RRP8: variants seen among roughly 807,000 people sequenced by gnomAD.
RRP8 encodes ribosomal RNA processing 8.
RRP8 carries 48 observed loss-of-function variants against 45.0 expected under a neutral mutation model. The ratio of observed to expected loss-of-function variants is 1.07; its 90% confidence interval spans 0.85 to 1.36. The LOEUF (loss-of-function observed/expected upper bound fraction) is 1.36. Among genes scored for constraint, RRP8 ranks in the 40% most tolerant of loss-of-function variants. RRP8 has a pLI of 0.00. For synonymous variants in RRP8, 274 were observed against 212.4 expected (o/e 1.29, Z -2.52); for missense variants, 658 against 573.7 (o/e 1.15, Z -1.50).
At chr11:6,600,375 G>A (rs533186872) in intron 6 of RRP8, 110 bp from the exon 7 acceptor site, 15 of 1,313,454 alleles carry the variant, frequency 1.1e-5, no homozygotes, top group East Asian at 7.0e-5. Context: ...TCCCACTTCC[G>A]TTGGGGAGCA....
At position 6,595,858 on chromosome 11, in the gene RRP8, G is replaced by A. The variant is rs1177955311; in HGVS notation, c.*4288C>T. The stretch of plus-strand genomic sequence containing the variant: ...AAACTCACTAGCAGAATGTAATCAA[G>A]TTTATTTTCTTGTTCAAAGTCCAAT... On this transcript the variant is annotated 3_prime_UTR_variant, in exon 7 of 7. Coordinates refer to ENST00000254605, the MANE Select transcript of RRP8 (RefSeq NM_015324.4). 1 of 152,206 alleles carries A rather than the reference G, an allele frequency of 6.6e-6. No homozygotes were observed. The highest frequency in any genetic ancestry group is 1.9e-4 in the East Asian group (1 of 5,198). 9.4% of individuals were successfully genotyped at this position (152,206 alleles called of 1,614,324 possible).
chr11:6,600,451 G>A (rs1854314598), intron 6 of RRP8, 35 bp downstream of exon 6: 4 of 1,592,888 alleles, frequency 2.5e-6, no homozygotes, highest in South Asian at 1.1e-5. Context: ...GGCCACATGA[G>A]ACAAAAACAG....
Position 6,601,351 on chromosome 11 carries a change from G to C in RRP8, c.715C>G (p.Arg239Gly), listed in dbSNP as rs745570524. The C allele has an allele frequency of 2.2e-5, 35 of 1,613,820 alleles. No individual in the cohort carries two copies. The highest frequency in any genetic ancestry group is 1.6e-4 in the Middle Eastern group (1 of 6,084). The change falls in exon 3 of 7, where the codon CGA (arginine) becomes GGA (glycine). Residue 239 changes from arginine to glycine, a missense_variant. Coordinates refer to ENST00000254605, the MANE Select transcript of RRP8 (RefSeq NM_015324.4). ...TCCAGCCGCTGTGCCATGCGGGCTC[G>C]CAAAGCCCCTGCCCGAGCCTCATGG... Reference protein sequence around the residue: ...DSHEARAGALRARMAQRLDGA... With the variant: ...DSHEARAGALGARMAQRLDGA...
In RRP8 at chr11:6,601,457, C is replaced by G. The variant is rs1047332693; in HGVS notation, c.609G>C (p.Gln203His). ...KNKRRCKNKF[Q>H]PPQVPDQAPA... ...GGGCCTGGTCTGGCACCTGAGGTGG[C>G]TGAAACTTGTTCTTACATCTTCTCT... Residue 203 changes from glutamine (Q) to histidine (H), a missense_variant, in exon 3 of 7, where the codon CAG becomes CAC. Gln to His is a conservative substitution (Grantham distance 24). Coordinates refer to ENST00000254605, the MANE Select transcript of RRP8 (RefSeq NM_015324.4). The G allele has an allele frequency of 5.0e-6, 8 of 1,613,982 alleles. No individual in the cohort carries two copies. In the African/African-American group the frequency reaches 5.3e-5, roughly 11 times the overall value.
At position 6,601,318 on chromosome 11, in the gene RRP8, G is replaced by C. The variant is rs760716079; in HGVS notation, c.748C>G (p.Arg250Gly). The C allele has an allele frequency of 1.9e-6, 3 of 1,613,666 alleles. No individual in the cohort carries two copies. The highest frequency in any genetic ancestry group is 3.3e-5 in the Admixed American group (2 of 59,962). The change falls in exon 3 of 7, where the codon CGA becomes GGA. Residue 250 changes from arginine to glycine, a missense_variant. Physicochemically the swap from Arg to Gly is moderately radical, Grantham distance 125. Coordinates refer to ENST00000254605, the MANE Select transcript of RRP8 (RefSeq NM_015324.4). ...AACTGTTCATTGAGGTAGCGAAATC[G>C]GGCCCCATCCAGCCGCTGTGCCATG... ...ARMAQRLDGARFRYLNEQLYS... is the reference protein window; with the variant it reads ...ARMAQRLDGAGFRYLNEQLYS...
At position 6,600,509 on chromosome 11, in the gene RRP8, G is replaced by C. The variant is rs188978085; in HGVS notation, c.1228C>G (p.Leu410Val). The C allele has an allele frequency of 6.2e-7, 1 of 1,613,766 alleles. No homozygotes were observed. The highest frequency in any genetic ancestry group is 8.5e-7 in the Non-Finnish European group (1 of 1,180,032). Residue 410 changes from leucine to valine, a missense_variant, in exon 6 of 7, where the codon CTA becomes GTA. By Grantham distance (32) the Leu-to-Val change is conservative (BLOSUM62 1). Transcript: ENST00000254605. The stretch of plus-strand genomic sequence containing the variant: ...ACCTTGGAGACAATCTTGAAGCCTA[G>C]CTTGGTCACAGCCCGCAGAAAGGTT... Reference protein sequence around the residue: ...VRTFLRAVTKLGFKIVSKDLT... With the variant: ...VRTFLRAVTKVGFKIVSKDLT...
rs1348999211 is a variant in RRP8 at position 6,601,463 on chromosome 11, C to T, written c.603G>A (p.Lys201=). 3.7e-6 allele frequency: 6 copies of T among 1,613,958 alleles called. No individual in the cohort carries two copies. Among genetic ancestry groups the T allele is most frequent in the Non-Finnish European group, 5.1e-6 (6 of 1,180,038 alleles). Residue 201 remains lysine (K), a synonymous_variant, in exon 3 of 7, where the codon AAG becomes AAA. Coordinates refer to ENST00000254605, the MANE Select transcript of RRP8 (RefSeq NM_015324.4). ...RQKNKRRCKN[K]FQPPQVPDQA... The stretch of plus-strand genomic sequence containing the variant: ...GGTCTGGCACCTGAGGTGGCTGAAA[C>T]TTGTTCTTACATCTTCTCTTGTTCT...
intron 5 of RRP8, 42 bp downstream of exon 5, chr11:6,600,627 T>G (rs756453710): frequency 6.2e-7 from 1 of 1,609,652 alleles, no homozygotes; most frequent in South Asian, 1.1e-5. Context: ...GACTCATGCA[T>G]GCACACATAC....
At position 6,600,789 on chromosome 11, in the gene RRP8, G is replaced by C. The variant is rs181419546; in HGVS notation, c.1048-14C>G. Reference sequence around the variant, plus strand: ...CTCCAGAGGAACCTGTGGAGAGTGAGAGTGTTGTATAAGGCACACAGTGCA... The same window carrying C: ...CTCCAGAGGAACCTGTGGAGAGTGACAGTGTTGTATAAGGCACACAGTGCA... On this transcript the variant is annotated splice_polypyrimidine_tract_variant and intron_variant, in intron 4 of 6. Transcript: ENST00000254605. 4.0e-4 allele frequency: 651 copies of C among 1,612,408 alleles called. 5 individuals carry two copies. In the African/African-American group the frequency reaches 7.7e-3, roughly 19 times the overall value.
Position 6,601,962 on chromosome 11 carries a change from T to C in RRP8, c.353A>G (p.Lys118Arg). 1 of 1,614,238 alleles carries C rather than the reference T, an allele frequency of 6.2e-7. No individual in the cohort carries two copies. Among genetic ancestry groups the C allele is most frequent in the African/African-American group, 1.3e-5 (1 of 75,072 alleles). Residue 118 changes from lysine (K) to arginine (R), a missense_variant, in exon 2 of 7, where the codon AAA becomes AGA. By Grantham distance (26) the Lys-to-Arg change is conservative. Transcript: ENST00000254605. Reference sequence around the variant, plus strand: ...AGAGTCACTGCCAACAAGAGCCTGTTTGTGGCATTTCTTCTTCCTTTCTAC... The same window carrying C: ...AGAGTCACTGCCAACAAGAGCCTGTCTGTGGCATTTCTTCTTCCTTTCTAC... Reference protein sequence around the residue: ...EEVERKKKCHKQALVGSDSAE... With the variant: ...EEVERKKKCHRQALVGSDSAE...
intron 6 of RRP8, 101 bp downstream of exon 6, chr11:6,600,384 CA>C: frequency 7.4e-7 from 1 of 1,348,852 alleles, no homozygotes; most frequent in Non-Finnish European, 1.0e-6. Flanking sequence ...CGTTGGGGAG[CA>C]AAATGTCTGT....
Position 6,597,599 on chromosome 11 carries a change from A to C in RRP8, c.*2547T>G, listed in dbSNP as rs1052898926. The C allele has an allele frequency of 7.9e-5, 12 of 151,630 alleles. No individual in the cohort carries two copies. Among genetic ancestry groups the C allele is most frequent in the Non-Finnish European group, 1.5e-4 (10 of 67,986 alleles). The allele number at this position is 151,630 out of a possible 1,614,324, so 9.4% of individuals were successfully genotyped here. ...CATCCTCCCATAAAAAAAAAAAAAA[A>C]AAAAACACTGGCTGGGCACAGTGGC... On this transcript the variant is annotated 3_prime_UTR_variant, in exon 7 of 7. Coordinates refer to ENST00000254605, the MANE Select transcript of RRP8 (RefSeq NM_015324.4).
chr11:6,600,920 G>A lies in RRP8; in HGVS notation c.1047+6C>T. 6.2e-7 allele frequency: 1 copy of A among 1,614,142 alleles called. No individual in the cohort carries two copies. The highest frequency in any genetic ancestry group is 8.5e-7 in the Non-Finnish European group (1 of 1,180,012). On this transcript the variant is annotated splice_donor_region_variant and intron_variant, in intron 4 of 6. Coordinates refer to ENST00000254605, the MANE Select transcript of RRP8 (RefSeq NM_015324.4). ...AGAGCACAAGCCAGATAACATAGGG[G>A]TTTACCTGGGCCATGTCACACACAG...
At chr11:6,602,332 T>C (rs182423340) in intron 1 of RRP8, 117 bp from the exon 2 acceptor site, 107 of 1,277,492 alleles carry the variant, frequency 8.4e-5, no homozygotes, top group Admixed American at 6.8e-4. Context: ...TTCTTCCCAG[T>C]CAAGCCTGCC....
At position 6,599,897 on chromosome 11, in the gene RRP8, G is replaced by A; in HGVS notation, c.*249C>T. The A allele has an allele frequency of 3.6e-6, 1 of 280,982 alleles. No homozygotes were observed. The highest frequency in any genetic ancestry group is 6.6e-6 in the Non-Finnish European group (1 of 152,094). The allele number at this position is 280,982 out of a possible 1,614,324, so 17.4% of individuals were successfully genotyped here. On this transcript the variant is annotated 3_prime_UTR_variant, in exon 7 of 7. Coordinates refer to ENST00000254605, the MANE Select transcript of RRP8 (RefSeq NM_015324.4). Reference sequence around the variant, plus strand: ...CCATCTAGTTTTCATAACACCTGAAGTGTCATGAGACAGATATCCCCATGT... The same window carrying A: ...CCATCTAGTTTTCATAACACCTGAAATGTCATGAGACAGATATCCCCATGT...
intron 6 of RRP8, 68 bp from the exon 7 acceptor site, chr11:6,600,333 G>T: frequency 7.6e-7 from 1 of 1,311,218 alleles, no homozygotes; most frequent in Non-Finnish European, 1.1e-6. Flanking sequence ...CTCCCTCTAT[G>T]TACTGCCTCT....
At position 6,603,450 on chromosome 11, in the gene RRP8, C is replaced by T; in HGVS notation, c.53G>A (p.Gly18Glu). The T allele has an allele frequency of 6.2e-7, 1 of 1,605,054 alleles. No homozygotes were observed. The change falls in exon 1 of 7, where the codon GGG (glycine) becomes GAG (glutamate). Residue 18 changes from glycine (G) to glutamate (E), a missense_variant. Gly to Glu is a moderately conservative substitution (Grantham distance 98). Coordinates refer to ENST00000254605, the MANE Select transcript of RRP8 (RefSeq NM_015324.4). ...AGGCGGAGGTCGTGAGATTACGGGC[C>T]CAAGGCCCGCGGCTACTGGGGCCGC... ...AEAAPVAAGL[G>E]PVISRPPPAA...
Position 6,597,939 on chromosome 11 carries a change from T to C in RRP8, c.*2207A>G. 6.6e-6 allele frequency: 1 copy of C among 152,116 alleles called. No homozygotes were observed. Among genetic ancestry groups the C allele is most frequent in the East Asian group, 1.9e-4 (1 of 5,190 alleles). 9.4% of individuals were successfully genotyped at this position (152,116 alleles called of 1,614,324 possible). ...ACTCTCCTGGTTTTACTCCTACATC[T>C]CTGGGTGAACCTTCTCCTCTTCCAT... On this transcript the variant is annotated 3_prime_UTR_variant, in exon 7 of 7. Coordinates refer to ENST00000254605, the MANE Select transcript of RRP8 (RefSeq NM_015324.4).
Position 6,596,778 on chromosome 11 carries a change from T to G in RRP8, c.*3368A>C, listed in dbSNP as rs917534605. ...TCTGCCAAGATCATGTTGTTTCTTT[T>G]AGAACTGTGTTCCCTTAGGACTGGA... On this transcript the variant is annotated 3_prime_UTR_variant, in exon 7 of 7. Transcript: ENST00000254605. The G allele has an allele frequency of 2.0e-5, 3 of 152,138 alleles. No individual in the cohort carries two copies. The highest frequency in any genetic ancestry group is 4.4e-5 in the Non-Finnish European group (3 of 68,044). The allele number at this position is 152,138 out of a possible 1,614,324, so 9.4% of individuals were successfully genotyped here. A position where few individuals can be genotyped will look rare whatever the true frequency, so the allele number is the denominator to read the frequency against.
Sources: gnomAD v4.1 joint callset for allele counts on GRCh38, gnomAD v4.1.1 for gene constraint, MANE v1.5 for transcripts, NCBI Gene and HGNC (gene_info 2026-07-23, HGNC 2026-07-21) for gene names.